Variants in MTCH2 observed in about 807,000 individuals in gnomAD.
MTCH2 encodes the protein mitochondrial carrier 2, also known as mitochondrial carrier homolog 2.
Under a neutral mutation model 50.6 loss-of-function variants are expected in MTCH2, and 25 were observed. The ratio of observed to expected loss-of-function variants is 0.49; its 90% CI spans 0.36 to 0.69. The LOEUF is 0.69. Ranked by LOEUF, MTCH2 falls within the 30% of genes least tolerant of loss-of-function variation. The probability of loss-of-function intolerance (pLI) is 0.00; values close to 1 mark genes in which losing one functional copy is unlikely to be tolerated. For synonymous variants in MTCH2, 106 were observed against 132.0 expected (o/e 0.80, Z 1.35); for missense variants, 273 against 384.4 (o/e 0.71, Z 2.42).
At chr11:47,629,569 G>A (rs1366723504) in intron 8 of MTCH2, among the ~76,000 whole-genome samples, 2 of 152,082 alleles carry the variant, frequency 1.3e-5, no homozygotes, top group Middle Eastern at 3.4e-3. Context: ...ATTTCCCCAC[G>A]GATTGAAGAC....
chr11:47,638,545 C>CAAA (rs59317101), intron 3 of MTCH2, among the ~76,000 whole-genome samples, 154 bp downstream of exon 3: 32 of 52,968 alleles, frequency 6.0e-4, no homozygotes, highest in Middle Eastern at 0.01. Context: ...GACTCCATCT[C>CAAA]AAAAAAAAAA....
rs1225591863 is a variant in MTCH2 at position 47,618,808 on chromosome 11, A to G, written c.*25T>C. ...ATTCTGTGCATCTGGGACTACAGAAATGTCACTGTCCCTGCCCCACATCTT... is the reference window on the plus strand; with the variant it reads ...ATTCTGTGCATCTGGGACTACAGAAGTGTCACTGTCCCTGCCCCACATCTT... On this transcript the variant is annotated 3_prime_UTR_variant, in exon 13 of 13. Coordinates refer to ENST00000302503, the MANE Select transcript of MTCH2 (RefSeq NM_014342.4). 1.9e-6 allele frequency: 3 copies of G among 1,598,966 alleles called. No individual in the cohort carries two copies. The East Asian group carries it at 6.7e-5, about 36-fold the overall frequency.
intron 11 of MTCH2, among the ~76,000 whole-genome samples, chr11:47,623,743 G>GA (rs2097295414): frequency 6.6e-6 from 1 of 152,156 alleles, no homozygotes; most frequent in African/African-American, 2.4e-5. Flanking sequence ...TATGGGAAAA[G>GA]AATTTTGAAT....
the MTCH2 span, among the ~76,000 whole-genome samples, chr11:47,610,827 C>T: frequency 6.6e-6 from 1 of 151,908 alleles, no homozygotes; most frequent in Non-Finnish European, 1.5e-5. Context: ...GCTGCCATCC[C>T]ATCATCCTGC....
At position 47,635,739 on chromosome 11, in the gene MTCH2, A is replaced by G. The variant is rs546247999; in HGVS notation, c.280-168T>C. Among the ~76,000 whole-genome samples, 5 of 152,174 alleles carry G rather than the reference A, an allele frequency of 3.3e-5. No individual in the cohort carries two copies. The South Asian group carries it at 1.0e-3, about 32-fold the overall frequency. Reference sequence around the variant, plus strand: ...TCAGTTAACTTCTACTCATTAATCAACTGGAAATATGGATCTCCAAGATAA... The same window carrying G: ...TCAGTTAACTTCTACTCATTAATCAGCTGGAAATATGGATCTCCAAGATAA... On this transcript the variant is annotated intron_variant, in intron 3 of 12. Transcript: ENST00000302503.
chr11:47,616,381 C>A (rs2097288413), downstream of MTCH2, among the ~76,000 whole-genome samples: 1 of 151,924 alleles, frequency 6.6e-6, no homozygotes, highest in South Asian at 2.1e-4. Flanking sequence ...TTTTAAGAGA[C>A]AGAGTCTCAC....
chr11:47,606,203 T>C, the MTCH2 span, among the ~76,000 whole-genome samples: 2 of 152,218 alleles, frequency 1.3e-5, no homozygotes, highest in African/African-American at 4.8e-5. Context: ...TGGGGTTTAA[T>C]GTCCTCTAAC....
chr11:47,639,667 T>C (rs2097312141), intron 1 of MTCH2, among the ~76,000 whole-genome samples: 1 of 151,998 alleles, frequency 6.6e-6, no homozygotes, highest in Admixed American at 6.6e-5. Flanking sequence ...GGTGAAACCC[T>C]GTCTCTACTA....
chr11:47,609,154 GA>G, the MTCH2 span, among the ~76,000 whole-genome samples: 17 of 134,234 alleles, frequency 1.3e-4, no homozygotes, highest in East Asian at 1.8e-3. Flanking sequence ...AAAGAAAAAA[GA>G]AAAAAAAATC....
downstream of MTCH2, among the ~76,000 whole-genome samples, chr11:47,616,213 C>T (rs2097288310): frequency 6.6e-6 from 1 of 152,062 alleles, no homozygotes; most frequent in Admixed American, 6.6e-5. Flanking sequence ...TCAAGTGATC[C>T]ACTGCCCCCA....
chr11:47,625,700 G>A lies in MTCH2; in HGVS notation c.723C>T (p.Ser241=). The change falls in exon 11 of 13, where the codon TCC becomes TCT. Residue 241 remains serine (S), a synonymous_variant. Coordinates refer to ENST00000302503, the MANE Select transcript of MTCH2 (RefSeq NM_014342.4). ...CACAGTTGTTGACAGCCATAAGATT[G>A]GAGACAAGCACAAAGGGATAGGTCA... ...SMLTYPFVLV[S]NLMAVNNCGL... The A allele has an allele frequency of 6.2e-7, 1 of 1,613,382 alleles. No individual in the cohort carries two copies. The highest frequency in any genetic ancestry group is 8.5e-7 in the Non-Finnish European group (1 of 1,179,428).
chr11:47,636,036 G>A (rs1159583746), intron 3 of MTCH2, among the ~76,000 whole-genome samples: 1 of 151,926 alleles, frequency 6.6e-6, no homozygotes, highest in Non-Finnish European at 1.5e-5. Flanking sequence ...GCTGGGGCAG[G>A]AGAATCACTT....
chr11:47,630,228 A>G (rs1008375571), intron 8 of MTCH2, among the ~76,000 whole-genome samples: 1 of 152,032 alleles, frequency 6.6e-6, no homozygotes, highest in African/African-American at 2.4e-5. Flanking sequence ...GCTGGTCTTG[A>G]ACTCCTGACC....
At chr11:47,634,595 C>T (rs2097306719) in intron 5 of MTCH2, 77 bp downstream of exon 5, 3 of 1,119,382 alleles carry the variant, frequency 2.7e-6, no homozygotes, top group Non-Finnish European at 4.0e-6. Flanking sequence ...ACACACAGGC[C>T]TGATGATTCT....
intron 7 of MTCH2, 43 bp downstream of exon 7, chr11:47,630,993 C>A: frequency 6.7e-7 from 1 of 1,489,582 alleles, no homozygotes; most frequent in Non-Finnish European, 9.3e-7. Flanking sequence ...AGTACTTTGG[C>A]TTCAAAAGAT....
At chr11:47,632,925 T>C (rs2097304515) in intron 5 of MTCH2, among the ~76,000 whole-genome samples, 1 of 146,914 alleles carries the variant, frequency 6.8e-6, no homozygotes, top group African/African-American at 2.5e-5. Context: ...TGGTTTTGAA[T>C]GCCTGACCTC....
chr11:47,609,082 C>A, the MTCH2 span, among the ~76,000 whole-genome samples: 1 of 138,356 alleles, frequency 7.2e-6, no homozygotes, highest in African/African-American at 2.7e-5. Context: ...TGAGATCACG[C>A]CATTGCACTC....
chr11:47,622,247 C>A (rs1458266103), intron 12 of MTCH2, among the ~76,000 whole-genome samples: 1 of 152,076 alleles, frequency 6.6e-6, no homozygotes, highest in Non-Finnish European at 1.5e-5. Flanking sequence ...TAATAACAAA[C>A]CCTAAATTGG....
the MTCH2 span, among the ~76,000 whole-genome samples, chr11:47,609,056 G>A: frequency 1.4e-5 from 2 of 146,820 alleles, no homozygotes; most frequent in Admixed American, 6.8e-5. Context: ...CTTGGGGGGC[G>A]GAAGTTGCGG....
Sources: allele counts gnomAD v4.1 joint callset (sites outside exome capture counted in the v4.1 genomes callset), GRCh38; gene constraint gnomAD v4.1.1; transcripts MANE v1.5; gene names NCBI Gene and HGNC (gene_info 2026-07-23, HGNC 2026-07-21).